The following ZNF385D variants were observed in gnomAD, a reference collection of about 807,000 sequenced individuals.
The protein encoded by ZNF385D is zinc finger protein 385D.
In ZNF385D, 15 loss-of-function variants were observed where a neutral mutation model predicts 35.8. The observed-to-expected ratio is 0.42, with a 90% CI of 0.28 to 0.64. The LOEUF is 0.64. ZNF385D is among the 30% of genes least tolerant of loss of function. The probability of loss-of-function intolerance (pLI) is 0.23; values close to 1 mark genes in which losing one functional copy is unlikely to be tolerated. For missense variants in ZNF385D, 474 were observed against 494.6 expected (o/e 0.96, Z 0.39); for synonymous variants, 212 against 186.8 (o/e 1.13, Z -1.10).
chr3:22,212,902 T>C, intron 2 of ZNF385D, among the ~76,000 whole-genome samples: 1 of 151,966 alleles, frequency 6.6e-6, no homozygotes, highest in East Asian at 1.9e-4. Flanking sequence ...ACAGCCAAAT[T>C]GATAACCTTA....
In ZNF385D at chr3:22,240,670, G is replaced by A. The variant is rs188526839; in HGVS notation, c.107-71635C>T. 2.8e-4 allele frequency among the ~76,000 whole-genome samples: 43 copies of A among 151,002 alleles called. 3 individuals are homozygous for A. The East Asian group carries it at 7.9e-3, about 28-fold the overall frequency. On this transcript the variant is annotated intron_variant, in intron 2 of 5. Transcript: ENST00000494108. Reference sequence around the variant, plus strand: ...ATTGACCCACAATTGCTGCCCTCTTGATCCTCTTGCTTCCTCACATCCTTG... The same window carrying A: ...ATTGACCCACAATTGCTGCCCTCTTAATCCTCTTGCTTCCTCACATCCTTG...
intron 2 of ZNF385D, among the ~76,000 whole-genome samples, chr3:22,310,144 TG>T (rs1379157278): frequency 6.6e-6 from 1 of 152,032 alleles, no homozygotes; most frequent in African/African-American, 2.4e-5. Flanking sequence ...TTGACCAATT[TG>T]GTGACATTAT....
At chr3:21,818,848 A>G (rs73042717) in intron 3 of ZNF385D, among the ~76,000 whole-genome samples, 13,373 of 151,996 alleles carry the variant, frequency 0.088, 714 homozygotes, top group Middle Eastern at 0.13. Flanking sequence ...AGAAAATGTC[A>G]AAAGGAGGAT....
At chr3:22,121,664 T>G (rs1576354993) in intron 3 of ZNF385D, among the ~76,000 whole-genome samples, 1 of 141,112 alleles carries the variant, frequency 7.1e-6, no homozygotes, top group African/African-American at 2.6e-5. Flanking sequence ...AGTTGTTGAA[T>G]GATGTGATTT....
chr3:22,243,922 T>G (rs1200896199), intron 2 of ZNF385D, among the ~76,000 whole-genome samples: 1 of 150,858 alleles, frequency 6.6e-6, no homozygotes, highest in Non-Finnish European at 1.5e-5. Flanking sequence ...AAAGAGCACC[T>G]TTGAAATTTA....
At chr3:22,112,491 T>C (rs1420889278) in intron 3 of ZNF385D, among the ~76,000 whole-genome samples, 1 of 152,168 alleles carries the variant, frequency 6.6e-6, no homozygotes, top group Admixed American at 6.6e-5. Context: ...TAATTTCTTG[T>C]TGATAAGCAA....
intron 2 of ZNF385D, among the ~76,000 whole-genome samples, chr3:22,359,503 C>T (rs965761203): frequency 6.6e-6 from 1 of 151,758 alleles, no homozygotes; most frequent in African/African-American, 2.4e-5. Flanking sequence ...ATAAATGTAA[C>T]AATACTAATG....
chr3:21,814,907 T>C (rs1030952451), intron 3 of ZNF385D, among the ~76,000 whole-genome samples: 1 of 152,140 alleles, frequency 6.6e-6, no homozygotes, highest in Admixed American at 6.6e-5. Context: ...ATCACACTTA[T>C]TCCAAAACTG....
At chr3:22,042,443 G>T (rs771840643) in intron 3 of ZNF385D, among the ~76,000 whole-genome samples, 3 of 151,818 alleles carry the variant, frequency 2.0e-5, no homozygotes, top group Non-Finnish European at 4.4e-5. Context: ...AAAAAAAAAA[G>T]TTTTTCCTTT....
intron 1 of ZNF385D, among the ~76,000 whole-genome samples, chr3:21,735,251 A>G (rs926439668): frequency 2.0e-5 from 3 of 152,162 alleles, no homozygotes; most frequent in Non-Finnish European, 2.9e-5. Flanking sequence ...GATAATACTC[A>G]TCTCCTAGAA....
At chr3:21,521,694 C>T (rs897222883) in intron 3 of ZNF385D, among the ~76,000 whole-genome samples, 1 of 152,174 alleles carries the variant, frequency 6.6e-6, no homozygotes, top group South Asian at 2.1e-4. Flanking sequence ...TTTGAGGCTG[C>T]AGTGAGCCAG....
chr3:21,742,487 T>C (rs553915329), intron 1 of ZNF385D, among the ~76,000 whole-genome samples: 8 of 152,340 alleles, frequency 5.3e-5, no homozygotes, highest in African/African-American at 1.9e-4. Context: ...TTGCTCTTCC[T>C]CTAAGCTACA....
chr3:22,092,443 T>C (rs536335479), intron 3 of ZNF385D, among the ~76,000 whole-genome samples: 1 of 152,290 alleles, frequency 6.6e-6, no homozygotes, highest in African/African-American at 2.4e-5. Context: ...GTTGCCTTCA[T>C]GACAGAGTGC....
chr3:21,440,092 GT>G (rs1375842096), intron 4 of ZNF385D, among the ~76,000 whole-genome samples: 1 of 151,996 alleles, frequency 6.6e-6, no homozygotes, highest in African/African-American at 2.4e-5. Context: ...ATAAAGGGGT[GT>G]TTTTTAAACC....
intron 2 of ZNF385D, among the ~76,000 whole-genome samples, chr3:21,603,095 A>C (rs147560154): frequency 6.6e-6 from 1 of 152,344 alleles, no homozygotes; most frequent in African/African-American, 2.4e-5. Flanking sequence ...AAGTTTATTT[A>C]CCAAAATAAA....
intron 3 of ZNF385D, among the ~76,000 whole-genome samples, chr3:22,084,411 A>T (rs1338525310): frequency 6.6e-6 from 1 of 152,204 alleles, no homozygotes; most frequent in African/African-American, 2.4e-5. Context: ...AAAACAAAAA[A>T]AGCAGGGGTT....
At chr3:21,857,548 C>T (rs1348505699) in intron 3 of ZNF385D, among the ~76,000 whole-genome samples, 1 of 151,864 alleles carries the variant, frequency 6.6e-6, no homozygotes, top group East Asian at 2.0e-4. Flanking sequence ...CCTCATAATT[C>T]TGAGGCCCAA....
intron 3 of ZNF385D, among the ~76,000 whole-genome samples, chr3:21,538,121 C>T (rs2062080789): frequency 6.6e-6 from 1 of 151,956 alleles, no homozygotes; most frequent in African/African-American, 2.4e-5. Context: ...GAGTTGCCAT[C>T]ATAAGAGGAA....
chr3:21,983,154 ATTTTATT>A (rs1345243922), intron 3 of ZNF385D, among the ~76,000 whole-genome samples: 42 of 116,890 alleles, frequency 3.6e-4, no homozygotes, highest in Admixed American at 1.3e-3. Flanking sequence ...ATTTTATTTT[ATTTTATT>A]TTATTATTTT....
Sources: allele counts gnomAD v4.1 joint callset (sites outside exome capture counted in the v4.1 genomes callset), GRCh38; gene constraint gnomAD v4.1.1; transcripts MANE v1.5; gene names NCBI Gene and HGNC (gene_info 2026-07-23, HGNC 2026-07-21).